Variants in SH3BGRL2 observed in about 807,000 individuals in gnomAD.
SH3BGRL2 encodes the protein SH3 domain-binding glutamic acid-rich-like protein 2.
Under a neutral mutation model 14.8 loss-of-function variants are expected in SH3BGRL2, and 21 were observed. The ratio of observed to expected loss-of-function variants is 1.42; its 90% CI spans 1.01 to 2.05. SH3BGRL2 has a LOEUF of 2.05. Among genes scored for constraint, SH3BGRL2 ranks in the 30% most tolerant of loss-of-function variants. The pLI is 0.00. For missense variants in SH3BGRL2, 147 were observed against 130.8 expected (o/e 1.12, Z -0.61); for synonymous variants, 50 against 47.8 (o/e 1.05, Z -0.19).
the SH3BGRL2 span, among the ~76,000 whole-genome samples, chr6:79,598,822 C>T: frequency 2.7e-5 from 4 of 150,830 alleles, no homozygotes; most frequent in African/African-American, 7.3e-5. Context: ...GTGGCTCATG[C>T]GTGTAATCCC....
At chr6:79,668,425 T>G (rs1335340527) in intron 1 of SH3BGRL2, among the ~76,000 whole-genome samples, 1 of 152,118 alleles carries the variant, frequency 6.6e-6, no homozygotes, top group Non-Finnish European at 1.5e-5. Flanking sequence ...ACCCCGCAGC[T>G]TACTCCCCAG....
chr6:79,699,462 A>ATT (rs760632177), intron 3 of SH3BGRL2, 36 bp from the exon 4 acceptor site: 4 of 982,462 alleles, frequency 4.1e-6, no homozygotes, highest in African/African-American at 4.9e-5. Context: ...GCAATAACTG[A>ATT]CTTTTTTTTT....
At chr6:79,661,260 G>A (rs1769541127) in intron 1 of SH3BGRL2, among the ~76,000 whole-genome samples, 1 of 152,044 alleles carries the variant, frequency 6.6e-6, no homozygotes, top group Non-Finnish European at 1.5e-5. Flanking sequence ...TTTCTCCTGT[G>A]GGCATTTAGT....
the SH3BGRL2 span, among the ~76,000 whole-genome samples, chr6:79,580,548 TA>T: frequency 6.6e-6 from 1 of 152,100 alleles, no homozygotes; most frequent in East Asian, 1.9e-4. Flanking sequence ...GACTACTGGG[TA>T]AATAAAGAAA....
the SH3BGRL2 span, among the ~76,000 whole-genome samples, chr6:79,563,433 C>T: frequency 6.6e-6 from 1 of 151,958 alleles, no homozygotes; most frequent in African/African-American, 2.4e-5. Flanking sequence ...ATATTAAGTC[C>T]CTACCATCCA....
the SH3BGRL2 span, among the ~76,000 whole-genome samples, chr6:79,609,606 T>C: frequency 6.6e-6 from 1 of 152,156 alleles, no homozygotes; most frequent in Non-Finnish European, 1.5e-5. Context: ...CTCAGACAGT[T>C]CTGAGTTCAA....
chr6:79,668,430 C>T (rs1769704549), intron 1 of SH3BGRL2, among the ~76,000 whole-genome samples: 1 of 152,110 alleles, frequency 6.6e-6, no homozygotes, highest in South Asian at 2.1e-4. Context: ...GCAGCTTACT[C>T]CCCAGGGCCC....
chr6:79,555,508 G>A, the SH3BGRL2 span, among the ~76,000 whole-genome samples: 2 of 152,228 alleles, frequency 1.3e-5, no homozygotes, highest in East Asian at 3.9e-4. Flanking sequence ...CGCATAAACT[G>A]ACAAACTGTT....
intron 2 of SH3BGRL2, among the ~76,000 whole-genome samples, chr6:79,681,689 T>G (rs1769990749): frequency 6.6e-6 from 1 of 152,214 alleles, no homozygotes; most frequent in African/African-American, 2.4e-5. Context: ...TGATCTCAAG[T>G]GCAGTGTTTA....
intron 1 of SH3BGRL2, among the ~76,000 whole-genome samples, chr6:79,666,310 G>T (rs990642659): frequency 6.6e-6 from 1 of 152,154 alleles, no homozygotes; most frequent in East Asian, 1.9e-4. Context: ...GGGACAAGGG[G>T]CCTTAGCATT....
Position 79,699,875 on chromosome 6 carries a change from C to A in SH3BGRL2, c.*366C>A. 3.9e-6 allele frequency: 1 copy of A among 254,742 alleles called. No homozygotes were observed. Among genetic ancestry groups the A allele is most frequent in the Non-Finnish European group, 7.3e-6 (1 of 136,368 alleles). 15.8% of individuals were successfully genotyped at this position (254,742 alleles called of 1,614,324 possible). A position where few individuals can be genotyped will look rare whatever the true frequency, so the allele number is the denominator to read the frequency against. On this transcript the variant is annotated 3_prime_UTR_variant, in exon 4 of 4. Coordinates refer to ENST00000369838, the MANE Select transcript of SH3BGRL2 (RefSeq NM_031469.4). ...AGTAGATGCCGGAATTGCGTAAACC[C>A]ACTTCTCTTTAAGCTGCCTGGATTG...
At chr6:79,651,253 T>A (rs891515907) in intron 1 of SH3BGRL2, among the ~76,000 whole-genome samples, 3 of 152,190 alleles carry the variant, frequency 2.0e-5, no homozygotes, top group African/African-American at 7.2e-5. Context: ...TTACAGCAAT[T>A]TTTGCTGTAA....
At chr6:79,648,274 A>ATG in intron 1 of SH3BGRL2, among the ~76,000 whole-genome samples, 1 of 130,518 alleles carries the variant, frequency 7.7e-6, no homozygotes, top group African/African-American at 2.8e-5. Flanking sequence ...ATATATATAT[A>ATG]TATATATATT....
the SH3BGRL2 span, among the ~76,000 whole-genome samples, chr6:79,587,487 G>A: frequency 6.6e-6 from 1 of 152,070 alleles, no homozygotes; most frequent in African/African-American, 2.4e-5. Context: ...AATGAGCATG[G>A]GACAAGGAAA....
At chr6:79,583,808 G>T in the SH3BGRL2 span, among the ~76,000 whole-genome samples, 1 of 152,264 alleles carries the variant, frequency 6.6e-6, no homozygotes, top group Non-Finnish European at 1.5e-5. Context: ...TAAAAAAGTG[G>T]TTTATTTTTA....
the SH3BGRL2 span, among the ~76,000 whole-genome samples, chr6:79,557,717 C>A: frequency 6.6e-6 from 1 of 152,130 alleles, no homozygotes; most frequent in South Asian, 2.1e-4. Flanking sequence ...TAGGATATAA[C>A]CTTGCCTCAG....
chr6:79,621,691 G>C, the SH3BGRL2 span, among the ~76,000 whole-genome samples: 3 of 152,130 alleles, frequency 2.0e-5, no homozygotes, highest in Non-Finnish European at 2.9e-5. Context: ...CAGAACCCCA[G>C]TAGTTTCAGT....
the SH3BGRL2 span, among the ~76,000 whole-genome samples, chr6:79,562,506 T>C: frequency 2.0e-5 from 3 of 152,166 alleles, no homozygotes; most frequent in South Asian, 6.2e-4. Flanking sequence ...TTTAGGGGCA[T>C]AGAGATGAGA....
At chr6:79,594,380 C>T in the SH3BGRL2 span, among the ~76,000 whole-genome samples, 8 of 152,250 alleles carry the variant, frequency 5.3e-5, no homozygotes, top group South Asian at 2.1e-4. Flanking sequence ...ATGCACTGCA[C>T]GTATTAATAA....
Sources: gnomAD v4.1 joint callset for allele counts (sites outside exome capture counted in the v4.1 genomes callset) on GRCh38, gnomAD v4.1.1 for gene constraint, MANE v1.5 for transcripts, NCBI Gene and HGNC (gene_info 2026-07-23, HGNC 2026-07-21) for gene names.